The following NFATC3 variants were observed in gnomAD, a reference collection of about 807,000 sequenced individuals.
NFATC3 encodes nuclear factor of activated T cells 3, also known as nuclear factor of activated T-cells, cytoplasmic 3.
NFATC3 carries 46 observed loss-of-function variants against 98.6 expected under a neutral mutation model. The ratio of observed to expected loss-of-function variants is 0.47; its 90% CI spans 0.37 to 0.60. The LOEUF (loss-of-function observed/expected upper bound fraction) is 0.60. NFATC3 is among the 20% of genes least tolerant of loss of function. NFATC3 has a pLI of 0.00. For synonymous variants in NFATC3, 512 were observed against 472.2 expected (o/e 1.08, Z -1.09); for missense variants, 1,256 against 1,295.5 (o/e 0.97, Z 0.47).
intron 1 of NFATC3, among the ~76,000 whole-genome samples, chr16:68,103,502 G>T (rs1450617992): frequency 6.6e-6 from 1 of 152,188 alleles, no homozygotes; most frequent in African/African-American, 2.4e-5. Flanking sequence ...GAGCCACTGG[G>T]CTTGGCCTCA....
At chr16:68,172,034 T>G (rs532715028) in intron 5 of NFATC3, among the ~76,000 whole-genome samples, 1 of 151,972 alleles carries the variant, frequency 6.6e-6, no homozygotes, top group African/African-American at 2.4e-5. Context: ...AAAAGTGTGT[T>G]CAGGTTGGGC....
intron 9 of NFATC3, among the ~76,000 whole-genome samples, chr16:68,207,493 C>T (rs954685236): frequency 6.6e-6 from 1 of 151,878 alleles, no homozygotes; most frequent in Non-Finnish European, 1.5e-5. Flanking sequence ...AGATGGAGTC[C>T]CACTCTGTCA....
chr16:68,092,067 G>A (rs1054436478), intron 1 of NFATC3, among the ~76,000 whole-genome samples: 2 of 152,086 alleles, frequency 1.3e-5, no homozygotes, highest in South Asian at 4.1e-4. Context: ...TTGGCAATTG[G>A]GGCTCTAAGA....
intron 9 of NFATC3, among the ~76,000 whole-genome samples, chr16:68,223,697 C>T (rs1470329068): frequency 6.6e-6 from 1 of 151,634 alleles, no homozygotes; most frequent in African/African-American, 2.4e-5. Context: ...GAGTTCAAGA[C>T]CAGCCTGGCC....
At chr16:68,099,878 G>T (rs908210589) in intron 1 of NFATC3, among the ~76,000 whole-genome samples, 1 of 152,040 alleles carries the variant, frequency 6.6e-6, no homozygotes, top group African/African-American at 2.4e-5. Context: ...GCATGATTAT[G>T]CCTCACTGCA....
intron 1 of NFATC3, among the ~76,000 whole-genome samples, chr16:68,087,007 T>C (rs2034415628): frequency 6.6e-6 from 1 of 152,134 alleles, no homozygotes; most frequent in African/African-American, 2.4e-5. Flanking sequence ...TGGGAAATAG[T>C]TGGAGGAGAC....
rs778016298 is a variant in NFATC3 at position 68,104,653 on chromosome 16, G to GTT, written c.104-17319_104-17318dup. Among the ~76,000 whole-genome samples, 895 of 126,676 alleles carry GTT rather than the reference G, an allele frequency of 7.1e-3. 56 individuals carry two copies. Among genetic ancestry groups the GTT allele is most frequent in the African/African-American group, 0.025 (782 of 31,846 alleles). The allele number at this position is 126,676 out of a possible 152,430, so 83.1% of individuals were successfully genotyped here. A position where few individuals can be genotyped will look rare whatever the true frequency, so the allele number is the denominator to read the frequency against. On this transcript the variant is annotated intron_variant, in intron 1 of 9. Coordinates refer to ENST00000346183, the MANE Select transcript of NFATC3 (RefSeq NM_173165.3). ...GTTAGCTGTGGGCTTTTCACAAATG[G>GTT]TTTTTTTTTTTTTTTTGAAATGGAG...
intron 5 of NFATC3, among the ~76,000 whole-genome samples, chr16:68,168,580 T>C (rs754455721): frequency 1.8e-4 from 27 of 152,018 alleles, no homozygotes; most frequent in Non-Finnish European, 3.5e-4. Context: ...CCACCTCCCA[T>C]GTTCAAGTGA....
intron 9 of NFATC3, among the ~76,000 whole-genome samples, chr16:68,219,699 T>C (rs1178721997): frequency 6.6e-6 from 1 of 152,192 alleles, no homozygotes; most frequent in Admixed American, 6.5e-5. Context: ...TCATTGCAGC[T>C]TCAAGAGGAA....
At chr16:68,127,081 C>T (rs1263368039) in intron 3 of NFATC3, among the ~76,000 whole-genome samples, 5 of 152,022 alleles carry the variant, frequency 3.3e-5, no homozygotes, top group African/African-American at 7.2e-5. Context: ...GGCGTGGTGG[C>T]GGGCACCTGT....
At chr16:68,189,645 GTCTT>G (rs1302034547) in intron 8 of NFATC3, among the ~76,000 whole-genome samples, 1 of 152,156 alleles carries the variant, frequency 6.6e-6, no homozygotes, top group African/African-American at 2.4e-5. Flanking sequence ...AACCTGGAAA[GTCTT>G]TCCATTTATT....
intron 8 of NFATC3, among the ~76,000 whole-genome samples, chr16:68,185,199 A>T (rs1454274081): frequency 6.6e-6 from 1 of 151,894 alleles, no homozygotes; most frequent in Non-Finnish European, 1.5e-5. Flanking sequence ...CTGGTCTCGA[A>T]CTCCTGACCT....
At chr16:68,116,649 C>CT (rs1386250762) in intron 1 of NFATC3, among the ~76,000 whole-genome samples, 3 of 152,170 alleles carry the variant, frequency 2.0e-5, no homozygotes, top group African/African-American at 7.2e-5. Flanking sequence ...CTCTGCAGCA[C>CT]TTTAAGACAT....
chr16:68,126,702 G>C (rs1440069550), intron 3 of NFATC3, 92 bp downstream of exon 3: 6 of 1,283,002 alleles, frequency 4.7e-6, no homozygotes, highest in Middle Eastern at 2.0e-4. Flanking sequence ...AGTGCAAAGA[G>C]CATAAACTCA....
chr16:68,177,044 T>G (rs533179941), intron 6 of NFATC3, among the ~76,000 whole-genome samples: 135 of 151,210 alleles, frequency 8.9e-4, no homozygotes, highest in African/African-American at 3.1e-3. Context: ...TTTTTTTTTT[T>G]TTGTTTTTTT....
chr16:68,152,589 C>T (rs1297731220), intron 3 of NFATC3, among the ~76,000 whole-genome samples: 2 of 152,062 alleles, frequency 1.3e-5, no homozygotes, highest in Non-Finnish European at 2.9e-5. Context: ...TAGCTCACTG[C>T]AGCCTTGAAC....
intron 1 of NFATC3, among the ~76,000 whole-genome samples, chr16:68,086,263 A>C (rs1329211300): frequency 6.6e-6 from 1 of 152,206 alleles, no homozygotes; most frequent in East Asian, 1.9e-4. Context: ...CTAGAAGAGT[A>C]ATGCTTTCGA....
At chr16:68,129,379 A>C (rs1039380417) in intron 3 of NFATC3, among the ~76,000 whole-genome samples, 1 of 152,212 alleles carries the variant, frequency 6.6e-6, no homozygotes, top group Non-Finnish European at 1.5e-5. Context: ...TACTGATTGA[A>C]GAATTATTTC....
chr16:68,120,279 CAA>C (rs564432522), intron 1 of NFATC3, among the ~76,000 whole-genome samples: 18 of 90,194 alleles, frequency 2.0e-4, no homozygotes, highest in Non-Finnish European at 2.2e-4. Flanking sequence ...GACCTAGTCT[CAA>C]AAAAAAAAAA....
Sources: gnomAD v4.1 joint callset for allele counts (sites outside exome capture counted in the v4.1 genomes callset) on GRCh38, gnomAD v4.1.1 for gene constraint, MANE v1.5 for transcripts, NCBI Gene and HGNC (gene_info 2026-07-23, HGNC 2026-07-21) for gene names.